The following DAP variants were observed in gnomAD, a reference collection of about 807,000 sequenced individuals.
DAP encodes death-associated protein 1.
DAP carries 8 observed loss-of-function variants against 13.8 expected under a neutral mutation model. The ratio of observed to expected loss-of-function variants is 0.58; its 90% CI spans 0.34 to 1.05. DAP has a LOEUF of 1.05. DAP is among the 50% of genes least tolerant of loss of function. The pLI is 0.03. For synonymous variants in DAP, 47 were observed against 47.5 expected, an observed-to-expected ratio of 0.99 and a Z score of 0.04; for missense variants, 106 against 133.2, an observed-to-expected ratio of 0.80 and a Z score of 1.01.
intron 1 of DAP, among the ~76,000 whole-genome samples, chr5:10,760,094 C>G (rs984393071): frequency 2.0e-5 from 3 of 152,152 alleles, no homozygotes; most frequent in African/African-American, 7.2e-5. Context: ...AAATGTGCCA[C>G]CAAAAGAAGC....
At chr5:10,737,204 G>C (rs1264912242) in intron 2 of DAP, among the ~76,000 whole-genome samples, 1 of 152,106 alleles carries the variant, frequency 6.6e-6, no homozygotes, top group Non-Finnish European at 1.5e-5. Context: ...AATTAGCTGG[G>C]CATGGTGGCA....
At chr5:10,722,128 C>T (rs1310606715) in intron 2 of DAP, among the ~76,000 whole-genome samples, 3 of 152,052 alleles carry the variant, frequency 2.0e-5, no homozygotes, top group African/African-American at 4.8e-5. Context: ...TAATGAGTGT[C>T]GACTTGATTG....
rs1579811986 is a variant in DAP, at chr5:10,733,450, C to A, written c.152+14725G>T. Reference sequence around the variant, plus strand: ...TTTTGGTATCTAGATCCTTCTGGATCTTTAGCAAAATCTGACATCTCACCT... The same window carrying A: ...TTTTGGTATCTAGATCCTTCTGGATATTTAGCAAAATCTGACATCTCACCT... On this transcript the variant is annotated intron_variant, in intron 2 of 3. Transcript: ENST00000230895. 2.0e-5 allele frequency among the ~76,000 whole-genome samples: 3 copies of A among 152,200 alleles called. No homozygotes were observed. The East Asian group carries it at 5.8e-4, about 29-fold the overall frequency.
intron 1 of DAP, among the ~76,000 whole-genome samples, chr5:10,758,196 A>G: frequency 6.8e-6 from 1 of 147,764 alleles, no homozygotes; most frequent in African/African-American, 2.5e-5. Context: ...CCTTTAGTGT[A>G]GTGGGCCGCC....
At chr5:10,750,237 A>T (rs1740012863) in intron 1 of DAP, among the ~76,000 whole-genome samples, 1 of 152,080 alleles carries the variant, frequency 6.6e-6, no homozygotes, top group Non-Finnish European at 1.5e-5. Context: ...AACTTTCTTT[A>T]TGCTGCTGAT....
chr5:10,711,889 G>A (rs1476811354), intron 2 of DAP, among the ~76,000 whole-genome samples: 1 of 152,216 alleles, frequency 6.6e-6, no homozygotes, highest in Non-Finnish European at 1.5e-5. Context: ...CTCAAACGCA[G>A]GACCAGGCAG....
intron 2 of DAP, among the ~76,000 whole-genome samples, chr5:10,695,826 T>C (rs1738425714): frequency 6.6e-6 from 1 of 152,206 alleles, no homozygotes; most frequent in Non-Finnish European, 1.5e-5. Context: ...CCACAGATAT[T>C]TGGCTAATTG....
intron 2 of DAP, among the ~76,000 whole-genome samples, chr5:10,718,961 T>C (rs554000443): frequency 1.3e-5 from 2 of 152,330 alleles, no homozygotes; most frequent in African/African-American, 2.4e-5. Context: ...CTTATGCTGA[T>C]TGGATCCAGT....
intron 2 of DAP, among the ~76,000 whole-genome samples, chr5:10,716,188 A>T (rs968025020): frequency 1.3e-5 from 2 of 152,234 alleles, no homozygotes; most frequent in African/African-American, 4.8e-5. Flanking sequence ...ATCGGTGAAG[A>T]AACAGCGGGC....
rs142629130 is a variant in DAP at position 10,740,304 on chromosome 5, A to G, written c.152+7871T>C. 3.4e-3 allele frequency among the ~76,000 whole-genome samples: 520 copies of G among 152,334 alleles called. 2 individuals carry two copies. The highest frequency in any genetic ancestry group is 0.012 in the African/African-American group (505 of 41,572). ...AACAGAGCATCCGAGGCCTGTGAAC[A>G]TATCAAATGTTCACTATGGGTACAA... On this transcript the variant is annotated intron_variant, in intron 2 of 3. Transcript: ENST00000230895.
intron 2 of DAP, among the ~76,000 whole-genome samples, chr5:10,715,731 A>T (rs559807570): frequency 6.6e-6 from 1 of 152,326 alleles, no homozygotes; most frequent in East Asian, 1.9e-4. Context: ...CACGGAGAGA[A>T]AGGGCAGGCT....
intron 2 of DAP, among the ~76,000 whole-genome samples, chr5:10,699,565 C>T (rs556117528): frequency 9.2e-5 from 14 of 152,290 alleles, no homozygotes; most frequent in East Asian, 3.9e-4. Flanking sequence ...TTGATGTGGC[C>T]GGTCTCTGTG....
At chr5:10,759,012 T>A (rs1368794857) in intron 1 of DAP, among the ~76,000 whole-genome samples, 1 of 151,986 alleles carries the variant, frequency 6.6e-6, no homozygotes, top group African/African-American at 2.4e-5. Flanking sequence ...CATGGCAAAA[T>A]CCGGTCTCTA....
At chr5:10,715,475 G>A (rs192944898) in intron 2 of DAP, among the ~76,000 whole-genome samples, 63 of 152,264 alleles carry the variant, frequency 4.1e-4, no homozygotes, top group Non-Finnish European at 7.8e-4. Flanking sequence ...AGCTGCCGGG[G>A]GCTTCCTACA....
chr5:10,735,267 C>T (rs55809554), intron 2 of DAP, among the ~76,000 whole-genome samples: 12,593 of 152,226 alleles, frequency 0.083, 739 homozygotes, highest in East Asian at 0.29. Context: ...TCCTGCCTGT[C>T]GTCATTGGTC....
intron 2 of DAP, among the ~76,000 whole-genome samples, chr5:10,742,828 G>A (rs1370440368): frequency 1.3e-5 from 2 of 152,110 alleles, no homozygotes; most frequent in African/African-American, 4.8e-5. Context: ...CAGTTCTTTA[G>A]GCCCTCTCAG....
In DAP at chr5:10,760,306, C is replaced by G. The variant is rs527376137; in HGVS notation, c.55+708G>C. Among the ~76,000 whole-genome samples the G allele has an allele frequency of 6.6e-5, 10 of 152,318 alleles. No individual in the cohort carries two copies. The South Asian group carries it at 2.1e-3, about 32-fold the overall frequency. On this transcript the variant is annotated intron_variant, in intron 1 of 3. Coordinates refer to ENST00000230895, the MANE Select transcript of DAP (RefSeq NM_004394.3). ...AGAGTAGAAACGGAAACAGACCCGT[C>G]TGGACAGAATCCAAAGTGCAAACAG...
chr5:10,731,520 A>T (rs750331499), intron 2 of DAP, among the ~76,000 whole-genome samples: 12 of 152,096 alleles, frequency 7.9e-5, no homozygotes, highest in Non-Finnish European at 1.8e-4. Flanking sequence ...CCTGCACTTC[A>T]TTCCTTTTCT....
intron 2 of DAP, among the ~76,000 whole-genome samples, chr5:10,695,305 G>A (rs951814198): frequency 5.9e-5 from 9 of 152,208 alleles, no homozygotes; most frequent in East Asian, 3.9e-4. Context: ...AATGGAAGCC[G>A]GCCAGGCACT....
Sources: gnomAD v4.1 joint callset for allele counts (sites outside exome capture counted in the v4.1 genomes callset) on GRCh38, gnomAD v4.1.1 for gene constraint, MANE v1.5 for transcripts, NCBI Gene and HGNC (gene_info 2026-07-23, HGNC 2026-07-21) for gene names.